The following SPTSSB variants were observed in gnomAD, a reference collection of about 807,000 sequenced individuals.
The protein encoded by SPTSSB is serine palmitoyltransferase small subunit B.
A neutral mutation model predicts 7.7 loss-of-function variants in SPTSSB; 6 were observed. The ratio of observed to expected loss-of-function variants is 0.78; its 90% confidence interval spans 0.43 to 1.54. The LOEUF (loss-of-function observed/expected upper bound fraction) is 1.54. Ranked by LOEUF, SPTSSB falls within the 40% of genes most tolerant of loss-of-function variation. SPTSSB has a pLI of 0.01. For synonymous variants in SPTSSB, 28 were observed against 29.7 expected, an observed-to-expected ratio of 0.94 and a Z score of 0.19; for missense variants, 91 against 93.0, an observed-to-expected ratio of 0.98 and a Z score of 0.09.
In SPTSSB at chr3:161,368,769, A is replaced by G. The variant is rs575536937; in HGVS notation, c.-126+2666T>C. Among the ~76,000 whole-genome samples the G allele has an allele frequency of 9.9e-5, 15 of 152,176 alleles. 1 individual carries two copies. Among genetic ancestry groups the G allele is most frequent in the Middle Eastern group, 3.4e-3 (1 of 294 alleles). Reference sequence around the variant, plus strand: ...TGCAGCCTCAGGAAACAACTAATCTACTTTCTCTATAGATTTGCCTATTGT... The same window carrying G: ...TGCAGCCTCAGGAAACAACTAATCTGCTTTCTCTATAGATTTGCCTATTGT... On this transcript the variant is annotated intron_variant, in intron 1 of 2. Transcript: ENST00000620149.
intron 1 of SPTSSB, among the ~76,000 whole-genome samples, chr3:161,361,399 C>G (rs76039965): frequency 6.6e-6 from 1 of 151,974 alleles, no homozygotes; most frequent in Non-Finnish European, 1.5e-5. Context: ...AAAATCTCAC[C>G]GATTCTAAGA....
intron 2 of SPTSSB, among the ~76,000 whole-genome samples, chr3:161,353,744 A>G (rs745497425): frequency 2.0e-5 from 3 of 152,188 alleles, no homozygotes; most frequent in Admixed American, 2.0e-4. Flanking sequence ...TCTGTGTAAG[A>G]ATTAGACATA....
chr3:161,363,606 A>G (rs1715100264), intron 1 of SPTSSB, among the ~76,000 whole-genome samples: 1 of 152,078 alleles, frequency 6.6e-6, no homozygotes, highest in Admixed American at 6.5e-5. Flanking sequence ...ATAGACAACC[A>G]TAATTTTACC....
intron 2 of SPTSSB, among the ~76,000 whole-genome samples, chr3:161,349,928 A>T (rs1714446842): frequency 6.6e-6 from 1 of 152,160 alleles, no homozygotes; most frequent in African/African-American, 2.4e-5. Flanking sequence ...GGAGAAGGAG[A>T]TGAAGTTACA....
rs1050296440 is a variant in SPTSSB at position 161,345,113 on chromosome 3, G to C, written c.*980C>G. 1.3e-5 allele frequency: 2 copies of C among 152,532 alleles called. No homozygotes were observed. Among genetic ancestry groups the C allele is most frequent in the Middle Eastern group, 3.2e-3 (1 of 316 alleles). The allele number at this position is 152,532 out of a possible 1,614,324, so 9.4% of individuals were successfully genotyped here. A position where few individuals can be genotyped will look rare whatever the true frequency, so the allele number is the denominator to read the frequency against. ...GCAGTATAATTAAAACCTTATATTT[G>C]TTTTAAAGATAAACAGTTTGAAGGA... On this transcript the variant is annotated 3_prime_UTR_variant, in exon 3 of 3. Transcript: ENST00000620149.
intron 1 of SPTSSB, among the ~76,000 whole-genome samples, chr3:161,369,314 CTCTTTCTTTCTTTCT>C (rs1715379583): frequency 1.5e-5 from 1 of 65,718 alleles, no homozygotes; most frequent in Non-Finnish European, 2.7e-5. Flanking sequence ...TTCTTTCTTT[CTCTTTCTTTCTTTCT>C]TTCTTTCTTT....
At chr3:161,369,281 C>CTTTCT (rs1167449613) in intron 1 of SPTSSB, among the ~76,000 whole-genome samples, 2 of 126,502 alleles carry the variant, frequency 1.6e-5, no homozygotes, top group African/African-American at 6.8e-5. Context: ...TTTCTTCTTT[C>CTTTCT]TTTCTTTTCT....
intron 1 of SPTSSB, among the ~76,000 whole-genome samples, chr3:161,367,748 T>C (rs971523932): frequency 5.9e-5 from 9 of 152,198 alleles, no homozygotes; most frequent in Admixed American, 6.5e-5. Flanking sequence ...TTCCCAAGAC[T>C]CTCTGGCTTT....
intron 1 of SPTSSB, among the ~76,000 whole-genome samples, chr3:161,370,257 C>G (rs1715450889): frequency 6.6e-6 from 1 of 152,214 alleles, no homozygotes; most frequent in Admixed American, 6.5e-5. Context: ...TTCAAATCGA[C>G]TTTCAACTTC....
rs542481047 is a variant in SPTSSB, at chr3:161,359,865, G to A, written c.-96C>T. On this transcript the variant is annotated 5_prime_UTR_variant, in exon 2 of 3. Transcript: ENST00000620149. ...TCACGAAATGATCCTGTGTGGGTTA[G>A]TTCTCCTCTCTGGGTTGCTGTTTCC... 9.9e-4 allele frequency: 891 copies of A among 897,770 alleles called. 9 individuals are homozygous for A. The African/African-American group carries it at 0.015, about 15-fold the overall frequency. The allele number at this position is 897,770 out of a possible 1,614,324, so 55.6% of individuals were successfully genotyped here. A position where few individuals can be genotyped will look rare whatever the true frequency, so the allele number is the denominator to read the frequency against.
intron 1 of SPTSSB, among the ~76,000 whole-genome samples, chr3:161,360,408 A>C (rs1206539623): frequency 6.6e-6 from 1 of 152,200 alleles, no homozygotes; most frequent in Non-Finnish European, 1.5e-5. Flanking sequence ...CTTATATCTT[A>C]TTGTGTCATT....
At chr3:161,364,938 C>T (rs1715157786) in intron 1 of SPTSSB, among the ~76,000 whole-genome samples, 1 of 151,814 alleles carries the variant, frequency 6.6e-6, no homozygotes, top group Non-Finnish European at 1.5e-5. Context: ...TACATTTATT[C>T]CCAAATTCTC....
At chr3:161,349,550 G>A (rs1162816703) in intron 2 of SPTSSB, among the ~76,000 whole-genome samples, 1 of 152,172 alleles carries the variant, frequency 6.6e-6, no homozygotes, top group Non-Finnish European at 1.5e-5. Context: ...TTGAAAAGAT[G>A]ACTTTCGATA....
chr3:161,369,306 C>CCT (rs1553804912), intron 1 of SPTSSB, among the ~76,000 whole-genome samples: 3 of 56,456 alleles, frequency 5.3e-5, no homozygotes, highest in African/African-American at 3.2e-4. Flanking sequence ...TTCTTTCTTT[C>CCT]TTTCTTTCTC....
chr3:161,367,201 AAAAT>A (rs1715259030), intron 1 of SPTSSB, among the ~76,000 whole-genome samples: 1 of 152,202 alleles, frequency 6.6e-6, no homozygotes, highest in African/African-American at 2.4e-5. Flanking sequence ...CAATAAAAAT[AAAAT>A]AAATAAATTG....
chr3:161,353,437 A>T (rs148862803), intron 2 of SPTSSB, among the ~76,000 whole-genome samples: 21 of 152,358 alleles, frequency 1.4e-4, no homozygotes, highest in Admixed American at 1.0e-3. Flanking sequence ...AAATAAATAA[A>T]TAAATACACA....
chr3:161,355,671 G>A (rs1366408724), intron 2 of SPTSSB, among the ~76,000 whole-genome samples: 1 of 152,194 alleles, frequency 6.6e-6, no homozygotes, highest in Non-Finnish European at 1.5e-5. Flanking sequence ...ATGGTTGTCA[G>A]GGACTGGGGA....
At chr3:161,368,250 G>A (rs13084746) in intron 1 of SPTSSB, among the ~76,000 whole-genome samples, 64,230 of 151,898 alleles carry the variant, frequency 0.42, 14,196 homozygotes, top group East Asian at 0.64. Context: ...TTTTTAAACC[G>A]GCTTTATTGA....
rs34084737 is a variant in SPTSSB at position 161,357,782 on chromosome 3, C to CAAA, written c.-33+2017_-33+2019dup. Among the ~76,000 whole-genome samples the CAAA allele has an allele frequency of 5.6e-3, 843 of 150,098 alleles. 7 individuals carry two copies. Among genetic ancestry groups the CAAA allele is most frequent in the African/African-American group, 0.02 (806 of 40,944 alleles). On this transcript the variant is annotated intron_variant, in intron 2 of 2. Transcript: ENST00000620149. ...AGATCAGAGTTAGGAAGCCACAAGC[C>CAAA]AAAAAAAAATGCCTGAAGCCACCAG...
Sources: allele counts gnomAD v4.1 joint callset (sites outside exome capture counted in the v4.1 genomes callset), GRCh38; gene constraint gnomAD v4.1.1; transcripts MANE v1.5; gene names NCBI Gene and HGNC (gene_info 2026-07-23, HGNC 2026-07-21).